ZMAT4: variants seen among roughly 807,000 people sequenced by gnomAD.
ZMAT4 encodes the protein zinc finger matrin-type 4, also known as zinc finger matrin-type protein 4.
A neutral mutation model predicts 28.7 loss-of-function variants in ZMAT4; 17 were observed. That is an observed-to-expected ratio of 0.59 (90% CI 0.41 to 0.89). ZMAT4 has a LOEUF of 0.89. ZMAT4 is among the 40% of genes least tolerant of loss of function. ZMAT4 has a pLI of 0.00. For synonymous variants in ZMAT4, 117 were observed against 109.2 expected (o/e 1.07, Z -0.44); for missense variants, 240 against 283.8 (o/e 0.85, Z 1.11).
chr8:40,591,454 AC>A (rs1418670429), intron 5 of ZMAT4, among the ~76,000 whole-genome samples: 2 of 152,138 alleles, frequency 1.3e-5, no homozygotes, highest in Non-Finnish European at 2.9e-5. Context: ...CAGGTCGGTC[AC>A]CCATGTGACT....
intron 2 of ZMAT4, among the ~76,000 whole-genome samples, chr8:40,821,807 C>T (rs1815840346): frequency 6.6e-6 from 1 of 152,178 alleles, no homozygotes; most frequent in Non-Finnish European, 1.5e-5. Context: ...AGATTCCAAA[C>T]TCTTCTTTCC....
chr8:40,575,323 G>C (rs1433383900), intron 6 of ZMAT4, among the ~76,000 whole-genome samples: 1 of 152,106 alleles, frequency 6.6e-6, no homozygotes, highest in East Asian at 1.9e-4. Context: ...ACCCCAAGAA[G>C]ATACAGCCCT....
At chr8:40,819,806 G>A (rs1815682614) in intron 2 of ZMAT4, among the ~76,000 whole-genome samples, 1 of 151,932 alleles carries the variant, frequency 6.6e-6, no homozygotes, top group Admixed American at 6.6e-5. Flanking sequence ...TTCTTCCTTT[G>A]GCTGTGTGTG....
Position 40,764,623 on chromosome 8 carries a change from A to T in ZMAT4, c.192+3018T>A, listed in dbSNP as rs556703695. Among the ~76,000 whole-genome samples the T allele has an allele frequency of 3.9e-5, 6 of 152,230 alleles. No individual in the cohort carries two copies. The South Asian group carries it at 1.2e-3, about 32-fold the overall frequency. ...TCAATCAGTTAACACTGGGATGCAAACCTCTCACAGCCCCTGGGAGCACAG... is the reference window on the plus strand; with the variant it reads ...TCAATCAGTTAACACTGGGATGCAATCCTCTCACAGCCCCTGGGAGCACAG... On this transcript the variant is annotated intron_variant, in intron 3 of 6. Transcript: ENST00000297737.
intron 6 of ZMAT4, among the ~76,000 whole-genome samples, chr8:40,578,185 A>C (rs1804331406): frequency 6.6e-6 from 1 of 152,134 alleles, no homozygotes; most frequent in Non-Finnish European, 1.5e-5. Context: ...AAGAAATATA[A>C]CACTGAGACA....
At chr8:40,744,465 C>T (rs1812136832) in intron 3 of ZMAT4, among the ~76,000 whole-genome samples, 3 of 152,156 alleles carry the variant, frequency 2.0e-5, no homozygotes, top group South Asian at 2.1e-4. Context: ...TAAATAAGGG[C>T]ATCTTAAATA....
chr8:40,748,866 G>T (rs1311531920), intron 3 of ZMAT4, among the ~76,000 whole-genome samples: 1 of 151,856 alleles, frequency 6.6e-6, no homozygotes, highest in African/African-American at 2.4e-5. Flanking sequence ...GTTTGGTTGT[G>T]TCCCCATCTA....
Position 40,618,424 on chromosome 8 carries a change from C to G in ZMAT4, c.578-37163G>C, listed in dbSNP as rs60289068. Among the ~76,000 whole-genome samples the G allele has an allele frequency of 1.8e-4, 28 of 152,154 alleles. No homozygotes were observed. The East Asian group carries it at 5.0e-3, about 27-fold the overall frequency. ...GAGTATTAATAATACTCCTTGACAC[C>G]AGATATATTTCATGGTTTCTAACTG... is the stretch of plus-strand genomic sequence containing the variant. On this transcript the variant is annotated intron_variant, in intron 5 of 6. Transcript: ENST00000297737.
intron 3 of ZMAT4, among the ~76,000 whole-genome samples, chr8:40,712,801 G>A (rs1033156485): frequency 2.0e-5 from 3 of 152,112 alleles, no homozygotes; most frequent in Non-Finnish European, 1.5e-5. Flanking sequence ...TCCAGAAATT[G>A]GGCATTGCCC....
intron 3 of ZMAT4, among the ~76,000 whole-genome samples, chr8:40,724,164 C>T (rs907424279): frequency 6.6e-6 from 1 of 152,066 alleles, no homozygotes; most frequent in Non-Finnish European, 1.5e-5. Flanking sequence ...GTTCTCTGTC[C>T]AGCAAAGCAG....
At chr8:40,882,456 A>G (rs1446531396) in intron 1 of ZMAT4, among the ~76,000 whole-genome samples, 5 of 152,250 alleles carry the variant, frequency 3.3e-5, no homozygotes, top group Non-Finnish European at 7.4e-5. Flanking sequence ...GAAGTGCTGG[A>G]GCTGTGAAAG....
chr8:40,614,827 G>A (rs994289312), intron 5 of ZMAT4, among the ~76,000 whole-genome samples: 9 of 151,702 alleles, frequency 5.9e-5, no homozygotes, highest in East Asian at 1.9e-4. Flanking sequence ...GTCTCTGCAC[G>A]TGAGATGGGT....
chr8:40,806,905 G>A (rs1185569089), intron 2 of ZMAT4, among the ~76,000 whole-genome samples: 1 of 151,926 alleles, frequency 6.6e-6, no homozygotes, highest in Non-Finnish European at 1.5e-5. Context: ...CATCACAGTT[G>A]TTTATCACCA....
At chr8:40,719,595 T>C (rs1407966384) in intron 3 of ZMAT4, among the ~76,000 whole-genome samples, 1 of 152,116 alleles carries the variant, frequency 6.6e-6, no homozygotes, top group African/African-American at 2.4e-5. Flanking sequence ...TTTTGTTTTT[T>C]TTGAGACGGA....
At chr8:40,636,842 G>A (rs1320692078) in intron 5 of ZMAT4, among the ~76,000 whole-genome samples, 2 of 152,140 alleles carry the variant, frequency 1.3e-5, no homozygotes, top group Non-Finnish European at 2.9e-5. Context: ...CCAAATTCAT[G>A]AGACACAATT....
intron 5 of ZMAT4, among the ~76,000 whole-genome samples, chr8:40,637,426 A>G (rs1334223387): frequency 6.6e-6 from 1 of 152,180 alleles, no homozygotes; most frequent in Non-Finnish European, 1.5e-5. Context: ...CAAGTCTCTG[A>G]ATCAACCCAG....
At chr8:40,556,986 C>T (rs770428312) in intron 6 of ZMAT4, among the ~76,000 whole-genome samples, 26 of 152,104 alleles carry the variant, frequency 1.7e-4, no homozygotes, top group Non-Finnish European at 2.9e-4. Context: ...ACCCCCACTC[C>T]CACCTACAAA....
At chr8:40,811,751 A>T (rs1815326697) in intron 2 of ZMAT4, among the ~76,000 whole-genome samples, 1 of 152,222 alleles carries the variant, frequency 6.6e-6, no homozygotes, top group Admixed American at 6.5e-5. Flanking sequence ...ATGCAGGAAC[A>T]TGGATGGCTT....
At chr8:40,550,698 C>T (rs1348529871) in intron 6 of ZMAT4, among the ~76,000 whole-genome samples, 1 of 152,150 alleles carries the variant, frequency 6.6e-6, no homozygotes, top group Non-Finnish European at 1.5e-5. Flanking sequence ...CATCCTGCTG[C>T]CCTGTGAGGA....
Sources: allele counts gnomAD v4.1 joint callset (sites outside exome capture counted in the v4.1 genomes callset), GRCh38; gene constraint gnomAD v4.1.1; transcripts MANE v1.5; gene names NCBI Gene and HGNC (gene_info 2026-07-23, HGNC 2026-07-21).